Variants in IPO11 observed in about 807,000 individuals in gnomAD.
IPO11 encodes importin-11.
Under a neutral mutation model 143.2 loss-of-function variants are expected in IPO11, and 66 were observed. That is an observed-to-expected ratio of 0.46 (90% confidence interval 0.38 to 0.57). The LOEUF (loss-of-function observed/expected upper bound fraction) is 0.57. IPO11 is among the 20% of genes least tolerant of loss of function. The pLI, the probability that IPO11 is intolerant of heterozygous loss-of-function variation, is 0.00. For missense variants in IPO11, 1,026 were observed against 1,141.0 expected (o/e 0.90, Z 1.45); for synonymous variants, 385 against 377.8 (o/e 1.02, Z -0.22).
At chr5:62,467,351 C>A in intron 6 of IPO11, 88 bp downstream of exon 6, 1 of 1,346,250 alleles carries the variant, frequency 7.4e-7, no homozygotes, top group Non-Finnish European at 1.0e-6. Context: ...TTTCTGTTCC[C>A]AGTTTCACTG....
intron 16 of IPO11, among the ~76,000 whole-genome samples, chr5:62,499,744 A>G (rs1741285612): frequency 6.6e-6 from 1 of 152,020 alleles, no homozygotes; most frequent in African/African-American, 2.4e-5. Context: ...ATACACATAC[A>G]TTGTATATTT....
intron 27 of IPO11, among the ~76,000 whole-genome samples, chr5:62,582,151 A>G (rs1404482353): frequency 6.6e-6 from 1 of 152,204 alleles, no homozygotes; most frequent in Non-Finnish European, 1.5e-5. Context: ...GAGTGAAATG[A>G]TTAGATTTAC....
intron 12 of IPO11, among the ~76,000 whole-genome samples, 190 bp downstream of exon 12, chr5:62,485,652 A>G (rs1746370536): frequency 6.6e-6 from 1 of 152,010 alleles, no homozygotes; most frequent in African/African-American, 2.4e-5. Context: ...CGGCCTGGTA[A>G]ACATAGTGAG....
intron 29 of IPO11, among the ~76,000 whole-genome samples, chr5:62,612,912 G>A (rs985517329): frequency 6.6e-6 from 1 of 152,216 alleles, no homozygotes; most frequent in Non-Finnish European, 1.5e-5. Flanking sequence ...AAGTTTGTAA[G>A]TCTGTAGGAA....
chr5:62,432,911 G>A (rs980989892), intron 1 of IPO11, among the ~76,000 whole-genome samples: 6 of 152,168 alleles, frequency 3.9e-5, no homozygotes, highest in Admixed American at 1.3e-4. Flanking sequence ...TTAAGCTGGC[G>A]ACTGACGATG....
chr5:62,586,768 AATATATATATAT>A (rs56808416), intron 27 of IPO11, among the ~76,000 whole-genome samples: 73 of 28,920 alleles, frequency 2.5e-3, no homozygotes, highest in African/African-American at 9.3e-3. Context: ...AAAAAAAAAA[AATATATATATAT>A]ATATATATAT....
intron 1 of IPO11, among the ~76,000 whole-genome samples, chr5:62,432,055 C>G (rs920141325): frequency 6.6e-6 from 1 of 152,084 alleles, no homozygotes; most frequent in Non-Finnish European, 1.5e-5. Flanking sequence ...TCACTCAGCC[C>G]GAAAAAACTG....
chr5:62,478,264 C>T (rs534395908), intron 9 of IPO11, among the ~76,000 whole-genome samples: 31 of 152,126 alleles, frequency 2.0e-4, no homozygotes, highest in South Asian at 4.1e-4. Flanking sequence ...CTTGTGGGCT[C>T]AAGTGATCCT....
chr5:62,612,644 A>T (rs1580387662), intron 29 of IPO11, among the ~76,000 whole-genome samples: 1 of 152,190 alleles, frequency 6.6e-6, no homozygotes, highest in East Asian at 1.9e-4. Flanking sequence ...CATGTAATGG[A>T]TTTATTGATA....
At chr5:62,515,928 G>T (rs1741996728) in intron 20 of IPO11, among the ~76,000 whole-genome samples, 1 of 152,182 alleles carries the variant, frequency 6.6e-6, no homozygotes, top group African/African-American at 2.4e-5. Flanking sequence ...CAAGTGAATT[G>T]GATCTCAGAC....
At chr5:62,617,578 T>C (rs1392070780) in intron 29 of IPO11, among the ~76,000 whole-genome samples, 1 of 152,196 alleles carries the variant, frequency 6.6e-6, no homozygotes, top group Non-Finnish European at 1.5e-5. Flanking sequence ...GCCATTTTAC[T>C]TTAATGACAA....
intron 29 of IPO11, among the ~76,000 whole-genome samples, chr5:62,622,450 C>A (rs1432349505): frequency 2.0e-5 from 3 of 152,108 alleles, no homozygotes; most frequent in African/African-American, 7.2e-5. Context: ...AATGGCCTAC[C>A]CTGTACCTAG....
At chr5:62,561,066 C>T (rs1216656740) in intron 26 of IPO11, 70 bp from the exon 27 acceptor site, 33 of 1,380,356 alleles carry the variant, frequency 2.4e-5, no homozygotes, top group Non-Finnish European at 3.0e-5. Context: ...AGGCTTTAGC[C>T]TTTAAAAGTA....
intron 20 of IPO11, among the ~76,000 whole-genome samples, chr5:62,524,532 G>A (rs1355692032): frequency 6.6e-6 from 1 of 151,972 alleles, no homozygotes; most frequent in Non-Finnish European, 1.5e-5. Flanking sequence ...TTGAGCTATG[G>A]AGAGTGAAAT....
rs548417500 is a variant in IPO11 at position 62,553,992 on chromosome 5, A to G, written c.2460+2656A>G. On this transcript the variant is annotated intron_variant, in intron 26 of 29. Coordinates refer to ENST00000325324, the MANE Select transcript of IPO11 (RefSeq NM_016338.5). ...GTGATCTGCCCGCCTCGGCCTCCCA[A>G]AGTGCTGGGATTACAAGTGTGAGTC... Among the ~76,000 whole-genome samples, 7 of 152,186 alleles carry G rather than the reference A, an allele frequency of 4.6e-5. No homozygotes were observed. The East Asian group carries it at 1.4e-3, about 29-fold the overall frequency.
At chr5:62,574,230 G>C (rs1003261660) in intron 27 of IPO11, among the ~76,000 whole-genome samples, 5 of 152,110 alleles carry the variant, frequency 3.3e-5, no homozygotes, top group African/African-American at 1.2e-4. Context: ...GGTTATTATA[G>C]TTATTGGAAG....
chr5:62,509,936 C>T (rs1468147568), intron 19 of IPO11, among the ~76,000 whole-genome samples: 2 of 152,142 alleles, frequency 1.3e-5, no homozygotes, highest in African/African-American at 2.4e-5. Context: ...TGGATGATAA[C>T]GATAGTTCTG....
Position 62,489,342 on chromosome 5 carries a change from A to G in IPO11, c.1350A>G (p.Lys450=). 1 of 1,561,304 alleles carries G rather than the reference A, an allele frequency of 6.4e-7. No individual in the cohort carries two copies. The highest frequency in any genetic ancestry group is 1.2e-5 in the South Asian group (1 of 83,762). ...NVEDMNALLI[K]DAVYNAVGLA... is the part of the protein sequence containing the mutation. Reference sequence around the variant, plus strand: ...AAGATATGAATGCACTGTTAATCAAAGATGCTGGTATGTTAAACTTAAGTG... The same window carrying G: ...AAGATATGAATGCACTGTTAATCAAGGATGCTGGTATGTTAAACTTAAGTG... The change falls in exon 14 of 30, where the codon AAA becomes AAG. Residue 450 remains lysine (K), a synonymous_variant. Coordinates refer to ENST00000325324, the MANE Select transcript of IPO11 (RefSeq NM_016338.5).
intron 22 of IPO11, among the ~76,000 whole-genome samples, chr5:62,535,538 GT>G (rs1003321074): frequency 6.6e-6 from 1 of 151,992 alleles, no homozygotes; most frequent in Non-Finnish European, 1.5e-5. Context: ...TTAGATGACA[GT>G]TTTTGGTTTT....
Sources: gnomAD v4.1 joint callset for allele counts (sites outside exome capture counted in the v4.1 genomes callset) on GRCh38, gnomAD v4.1.1 for gene constraint, MANE v1.5 for transcripts, NCBI Gene and HGNC (gene_info 2026-07-23, HGNC 2026-07-21) for gene names.